TERB2: variants seen among roughly 807,000 people sequenced by gnomAD.
TERB2 encodes telomere repeat binding bouquet formation protein 2.
TERB2 carries 26 observed loss-of-function variants against 29.8 expected under a neutral mutation model. The observed-to-expected ratio is 0.87, with a 90% CI of 0.64 to 1.21. The LOEUF (loss-of-function observed/expected upper bound fraction) is 1.21, where lower values mean the gene tolerates loss of function less well. TERB2 is among the 50% of genes most tolerant of loss of function. The pLI, the probability that TERB2 is intolerant of heterozygous loss-of-function variation, is 0.00. For synonymous variants in TERB2, 80 were observed against 90.8 expected (o/e 0.88, Z 0.68); for missense variants, 240 against 268.6 (o/e 0.89, Z 0.74).
At chr15:44,973,116 G>A (rs1891995228) in intron 5 of TERB2, among the ~76,000 whole-genome samples, 1 of 151,960 alleles carries the variant, frequency 6.6e-6, no homozygotes, top group African/African-American at 2.4e-5. Context: ...CCTGACCTCA[G>A]GTGATCCACC....
At chr15:44,965,524 A>ATTATATATTATATAT (rs1891874170) in intron 4 of TERB2, among the ~76,000 whole-genome samples, 1 of 143,998 alleles carries the variant, frequency 6.9e-6, no homozygotes, top group African/African-American at 2.5e-5. Flanking sequence ...GATATATATA[A>ATTATATATTATATAT]TTATATATTA....
chr15:44,961,454 T>C (rs2141239406), intron 3 of TERB2, 69 bp from the exon 4 acceptor site: 1 of 1,165,926 alleles, frequency 8.6e-7, no homozygotes, highest in Non-Finnish European at 1.2e-6. Context: ...TTTCAGACTT[T>C]AAGCAAAATT....
intron 5 of TERB2, among the ~76,000 whole-genome samples, chr15:44,972,641 G>A (rs1454595848): frequency 4.0e-5 from 6 of 150,178 alleles, no homozygotes; most frequent in Non-Finnish European, 8.9e-5. Flanking sequence ...TCAGCCTCCC[G>A]AATAGCTGGG....
intron 5 of TERB2, 44 bp from the exon 6 acceptor site, chr15:44,973,822 AT>A: frequency 3.5e-6 from 5 of 1,416,306 alleles, no homozygotes; most frequent in Non-Finnish European, 4.7e-6. Flanking sequence ...ATATAGACAT[AT>A]ATATACTATG....
chr15:44,972,887 G>GTT (rs71902044), intron 5 of TERB2, among the ~76,000 whole-genome samples: 18,995 of 141,024 alleles, frequency 0.13, 1,497 homozygotes, highest in East Asian at 0.3. Flanking sequence ...AACATCAATT[G>GTT]TTTTTTTTTT....
intron 5 of TERB2, 126 bp from the exon 6 acceptor site, chr15:44,973,741 T>G (rs1892003459): frequency 3.0e-6 from 2 of 660,688 alleles, no homozygotes; most frequent in African/African-American, 3.9e-5. Flanking sequence ...TGTGGTATAG[T>G]ATACTATAGT....
Position 44,956,983 on chromosome 15 carries a change from G to A in TERB2, c.146+6G>A, listed in dbSNP as rs559971328. 8.1e-6 allele frequency: 13 copies of A among 1,611,884 alleles called. No homozygotes were observed. The highest frequency in any genetic ancestry group is 1.1e-5 in the Non-Finnish European group (13 of 1,179,050). On this transcript the variant is annotated splice_donor_region_variant and intron_variant, in intron 2 of 6. Transcript: ENST00000340827. The stretch of plus-strand genomic sequence containing the variant: ...TCGCACCCAGACACGCTGAGGTACT[G>A]AGGGCGACCTGGCAGTGCCTCTTAT...
intron 3 of TERB2, among the ~76,000 whole-genome samples, chr15:44,960,825 T>C (rs913481194): frequency 2.0e-5 from 3 of 152,142 alleles, no homozygotes; most frequent in South Asian, 2.1e-4. Flanking sequence ...TTTGAGATCA[T>C]TGAGTTTGGA....
intron 6 of TERB2, among the ~76,000 whole-genome samples, chr15:44,975,418 T>G (rs1892031469): frequency 6.6e-6 from 1 of 152,068 alleles, no homozygotes; most frequent in African/African-American, 2.4e-5. Context: ...GAGTACTAAT[T>G]TAGGCTGTGG....
chr15:44,960,831 T>A (rs967519381), intron 3 of TERB2, among the ~76,000 whole-genome samples: 9 of 152,032 alleles, frequency 5.9e-5, no homozygotes, highest in African/African-American at 2.2e-4. Context: ...ATCATTGAGT[T>A]TGGATGATGA....
intron 4 of TERB2, among the ~76,000 whole-genome samples, 182 bp from the exon 5 acceptor site, chr15:44,965,976 G>A (rs576454561): frequency 1.3e-5 from 2 of 152,008 alleles, no homozygotes; most frequent in Non-Finnish European, 2.9e-5. Context: ...AATTATATGT[G>A]TGTGTGGAAA....
chr15:44,975,210 C>CT (rs1892027169), intron 6 of TERB2, among the ~76,000 whole-genome samples: 2 of 151,870 alleles, frequency 1.3e-5, no homozygotes, highest in African/African-American at 4.8e-5. Context: ...AATAAATTTC[C>CT]TTTTTTGTAT....
In TERB2 at chr15:44,978,692, A is replaced by C. The variant is rs547899777; in HGVS notation, c.*64A>C. On this transcript the variant is annotated 3_prime_UTR_variant, in exon 7 of 7. Transcript: ENST00000340827. ...AAAATATTATACAGATGTGCATATC[A>C]TAAAATGCTCCCTTTTGGTACTGGG... 11 of 1,397,180 alleles carry C rather than the reference A, an allele frequency of 7.9e-6. No individual in the cohort carries two copies. In the African/African-American group the frequency reaches 1.6e-4, roughly 20 times the overall value. 86.5% of individuals were successfully genotyped at this position (1,397,180 alleles called of 1,614,324 possible). A position where few individuals can be genotyped will look rare whatever the true frequency, so the allele number is the denominator to read the frequency against.
chr15:44,968,837 T>C (rs1891926875), intron 5 of TERB2, among the ~76,000 whole-genome samples: 1 of 152,154 alleles, frequency 6.6e-6, no homozygotes, highest in South Asian at 2.1e-4. Flanking sequence ...ACTTTTTTGA[T>C]AGTTTTCTTC....
chr15:44,966,524 G>A (rs1891891280), intron 5 of TERB2, among the ~76,000 whole-genome samples: 1 of 152,062 alleles, frequency 6.6e-6, no homozygotes, highest in African/African-American at 2.4e-5. Flanking sequence ...TTACTATGTA[G>A]AATACTATAC....
intron 6 of TERB2, among the ~76,000 whole-genome samples, chr15:44,975,802 T>A (rs1226419984): frequency 6.6e-6 from 1 of 152,240 alleles, no homozygotes. Context: ...CTTTCAGCTT[T>A]TGACTGGAAT....
chr15:44,961,427 T>C, intron 3 of TERB2, 96 bp from the exon 4 acceptor site: 3 of 804,664 alleles, frequency 3.7e-6, no homozygotes, highest in Non-Finnish European at 6.1e-6. Flanking sequence ...GCAAATAGAA[T>C]AACACTGGCC....
In TERB2 at chr15:44,961,515, C is replaced by G; in HGVS notation, c.287-8C>G. On this transcript the variant is annotated splice_polypyrimidine_tract_variant and splice_region_variant and intron_variant, in intron 3 of 6. Transcript: ENST00000340827. ...AAAACAGTATTGGATTTGTTTTTCTCACCACAGAAATAAGAAGAAAAATTG... is the reference window on the plus strand; with the variant it reads ...AAAACAGTATTGGATTTGTTTTTCTGACCACAGAAATAAGAAGAAAAATTG... 1 of 1,569,182 alleles carries G rather than the reference C, an allele frequency of 6.4e-7. No homozygotes were observed. The highest frequency in any genetic ancestry group is 8.6e-7 in the Non-Finnish European group (1 of 1,161,286).
At chr15:44,968,395 A>G (rs1230537940) in intron 5 of TERB2, among the ~76,000 whole-genome samples, 8 of 151,492 alleles carry the variant, frequency 5.3e-5, no homozygotes, top group Non-Finnish European at 7.4e-5. Context: ...AATTGTTTGT[A>G]TTTTTAGTAG....
Sources: allele counts gnomAD v4.1 joint callset (sites outside exome capture counted in the v4.1 genomes callset), GRCh38; gene constraint gnomAD v4.1.1; transcripts MANE v1.5; gene names NCBI Gene and HGNC (gene_info 2026-07-23, HGNC 2026-07-21).